CCDC57: variants seen among roughly 807,000 people sequenced by gnomAD.
The protein encoded by CCDC57 is coiled-coil domain-containing protein 57.
In CCDC57, 118 loss-of-function variants were observed where a neutral mutation model predicts 118.9. The observed-to-expected ratio is 0.99, with a 90% confidence interval of 0.86 to 1.16. The LOEUF (loss-of-function observed/expected upper bound fraction) is 1.16, where lower values mean the gene tolerates loss of function less well. CCDC57 is among the 50% of genes most tolerant of loss of function. The pLI is 0.00. For synonymous variants in CCDC57, 527 were observed against 532.9 expected (o/e 0.99, Z 0.15); for missense variants, 1,300 against 1,320.7 (o/e 0.98, Z 0.24).
chr17:82,125,084 T>C (rs536586557), intron 19 of CCDC57, among the ~76,000 whole-genome samples: 1 of 152,182 alleles, frequency 6.6e-6, no homozygotes, highest in Non-Finnish European at 1.5e-5. Context: ...ACGCGCCACA[T>C]TCGTGATGCC....
chr17:82,199,463 G>A (rs905733155), intron 3 of CCDC57, among the ~76,000 whole-genome samples: 1 of 49,298 alleles, frequency 2.0e-5, no homozygotes, highest in Non-Finnish European at 3.9e-5. Flanking sequence ...GGGCGACAGA[G>A]CAAGACTCTG....
chr17:82,162,069 G>A (rs923188212), intron 14 of CCDC57, among the ~76,000 whole-genome samples: 4 of 151,910 alleles, frequency 2.6e-5, no homozygotes, highest in East Asian at 1.9e-4. Flanking sequence ...GCACAATCTC[G>A]GCTCACTGCA....
chr17:82,122,147 C>G (rs980908103), intron 19 of CCDC57, among the ~76,000 whole-genome samples: 8 of 152,200 alleles, frequency 5.3e-5, no homozygotes, highest in African/African-American at 1.9e-4. Flanking sequence ...CTTTCTCAAG[C>G]CTCCTACACC....
Position 82,184,043 on chromosome 17 carries a change from A to G in CCDC57, c.1053-111T>C, listed in dbSNP as rs1176388827. 647 of 517,356 alleles carry G rather than the reference A, an allele frequency of 1.3e-3. 1 individual carries two copies. Among genetic ancestry groups the G allele is most frequent in the African/African-American group, 2.3e-3 (106 of 46,964 alleles). The allele number at this position is 517,356 out of a possible 1,614,324, so 32.0% of individuals were successfully genotyped here. A position where few individuals can be genotyped will look rare whatever the true frequency, so the allele number is the denominator to read the frequency against. Reference sequence around the variant, plus strand: ...CGCGCGCGCGCGCGCACACACACACACACACACACACACACACACACACAC... The same window carrying G: ...CGCGCGCGCGCGCGCACACACACACGCACACACACACACACACACACACAC... On this transcript the variant is annotated intron_variant, in intron 8 of 19. Coordinates refer to ENST00000665763, the Ensembl canonical transcript of CCDC57.
chr17:82,184,029 G>A (rs59638220), intron 8 of CCDC57, 97 bp from the exon 8 acceptor site: 29,972 of 228,482 alleles, frequency 0.13, 2,124 homozygotes, highest in East Asian at 0.21. Flanking sequence ...GCGCGCGCGC[G>A]CGCACACACA....
At chr17:82,206,897 T>C in intron 2 of CCDC57, among the ~76,000 whole-genome samples, 1 of 152,214 alleles carries the variant, frequency 6.6e-6, no homozygotes, top group East Asian at 1.9e-4. Flanking sequence ...CTCTCCTTGT[T>C]CATTCCTGGG....
At chr17:82,125,798 C>A (rs760046975) in intron 19 of CCDC57, among the ~76,000 whole-genome samples, 5 of 152,120 alleles carry the variant, frequency 3.3e-5, no homozygotes, top group African/African-American at 4.8e-5. Context: ...GTAAAAGGAC[C>A]AGGAAGTGAC....
intron 14 of CCDC57, among the ~76,000 whole-genome samples, chr17:82,159,695 G>A (rs1229068422): frequency 4.8e-5 from 7 of 146,966 alleles, no homozygotes; most frequent in South Asian, 2.1e-4. Context: ...TTTTTGAGAC[G>A]GAGTCTTGCT....
At chr17:82,126,760 A>C in intron 19 of CCDC57, 4 of 985,458 alleles carry the variant, frequency 4.1e-6, no homozygotes, top group Non-Finnish European at 4.8e-6. Flanking sequence ...TTTCACACAC[A>C]CTGCAGCCTG....
chr17:82,104,691 A>C (rs1220959979), intron 19 of CCDC57: 2 of 152,188 alleles, frequency 1.3e-5, no homozygotes, highest in Admixed American at 1.3e-4. Context: ...GGCGCCCGCC[A>C]CCACGCCCCG....
intron 16 of CCDC57, among the ~76,000 whole-genome samples, chr17:82,140,539 C>G (rs545115741): frequency 6.6e-6 from 1 of 152,298 alleles, no homozygotes; most frequent in East Asian, 1.9e-4. Flanking sequence ...CTTACTCTCC[C>G]GGCCTGAGTC....
Position 82,195,209 on chromosome 17 carries a change from C to T in CCDC57, c.618+54G>A, listed in dbSNP as rs1247873179. On this transcript the variant is annotated intron_variant, in intron 5 of 19. Transcript: ENST00000665763. ...GAGATGACAGGTGTGAGCCACCACA[C>T]CTGACCAAGGAAAAACCGAAAAACC... is the stretch of plus-strand genomic sequence containing the variant. 25 of 1,349,660 alleles carry T rather than the reference C, an allele frequency of 1.9e-5. No homozygotes were observed. In the East Asian group the frequency reaches 5.7e-4, roughly 31 times the overall value. 83.6% of individuals were successfully genotyped at this position (1,349,660 alleles called of 1,614,324 possible). A position where few individuals can be genotyped will look rare whatever the true frequency, so the allele number is the denominator to read the frequency against.
At chr17:82,148,381 G>GGAGA (rs2041232528) in intron 16 of CCDC57, among the ~76,000 whole-genome samples, 1 of 1,040 alleles carries the variant, frequency 9.6e-4, no homozygotes, top group Non-Finnish European at 1.7e-3. Context: ...GGGTGGGTGG[G>GGAGA]TGAATGGATG....
intron 3 of CCDC57, among the ~76,000 whole-genome samples, chr17:82,198,909 C>T (rs1599416909): frequency 6.8e-6 from 1 of 147,778 alleles, no homozygotes; most frequent in Admixed American, 6.9e-5. Flanking sequence ...AGGAGAATGG[C>T]GTGAACCCGG....
intron 19 of CCDC57, among the ~76,000 whole-genome samples, chr17:82,115,758 ACT>A (rs1405672786): frequency 3.6e-5 from 5 of 140,712 alleles, no homozygotes; most frequent in African/African-American, 1.3e-4. Flanking sequence ...ACAGAGGGAG[ACT>A]CTGTCTCAAA....
intron 11 of CCDC57, among the ~76,000 whole-genome samples, chr17:82,173,724 G>A (rs1030637007): frequency 1.3e-5 from 2 of 152,152 alleles, no homozygotes; most frequent in African/African-American, 4.8e-5. Flanking sequence ...AAAGCAACCC[G>A]AGAAAAGAGA....
At chr17:82,160,834 A>G (rs1319845063) in intron 14 of CCDC57, among the ~76,000 whole-genome samples, 2 of 136,116 alleles carry the variant, frequency 1.5e-5, no homozygotes, top group African/African-American at 2.8e-5. Context: ...AGATCACGCC[A>G]TTGCACTCCA....
chr17:82,198,245 A>G (rs868484246), intron 4 of CCDC57, 69 bp downstream of exon 3: 6 of 916,194 alleles, frequency 6.5e-6, no homozygotes, highest in Middle Eastern at 2.3e-4. Flanking sequence ...CCTCAGCCCT[A>G]TATGATTTCA....
chr17:82,188,172 G>A lies in CCDC57; in HGVS notation c.1052+47C>T, dbSNP rs369182817. ...AGTGGGCCCAGGTCAGCACAGCCAC[G>A]GCCGTCCCTGCCCTCACCCTCTGGG... is the stretch of plus-strand genomic sequence containing the variant. On this transcript the variant is annotated intron_variant, in intron 8 of 19. Coordinates refer to ENST00000665763, the Ensembl canonical transcript of CCDC57. The A allele has an allele frequency of 5.0e-3, 7,358 of 1,478,788 alleles. 28 individuals are homozygous for A. Among genetic ancestry groups the A allele is most frequent in the Non-Finnish European group, 6.1e-3 (6,759 of 1,107,228 alleles). 91.6% of individuals were successfully genotyped at this position (1,478,788 alleles called of 1,614,324 possible). A position where few individuals can be genotyped will look rare whatever the true frequency, so the allele number is the denominator to read the frequency against.
Sources: gnomAD v4.1 joint callset for allele counts (sites outside exome capture counted in the v4.1 genomes callset) on GRCh38, gnomAD v4.1.1 for gene constraint, MANE v1.5 for transcripts, NCBI Gene and HGNC (gene_info 2026-07-23, HGNC 2026-07-21) for gene names.